HGD: variants seen among roughly 807,000 people sequenced by gnomAD.
The protein encoded by HGD is homogentisate 1,2-dioxygenase.
HGD carries 61 observed loss-of-function variants against 60.8 expected under a neutral mutation model. The observed-to-expected ratio is 1.00, with a 90% confidence interval of 0.82 to 1.24. The LOEUF (loss-of-function observed/expected upper bound fraction) is 1.24, where lower values mean the gene tolerates loss of function less well. Ranked by LOEUF, HGD falls within the 50% of genes most tolerant of loss-of-function variation. The probability of loss-of-function intolerance (pLI) is 0.00; values close to 1 mark genes in which losing one functional copy is unlikely to be tolerated. For missense variants in HGD, 542 were observed against 547.1 expected (o/e 0.99, Z 0.09); for synonymous variants, 212 against 187.7 (o/e 1.13, Z -1.06).
intron 8 of HGD, 68 bp downstream of exon 8, chr3:120,646,905 G>A: frequency 8.3e-7 from 1 of 1,211,838 alleles, no homozygotes; most frequent in Admixed American, 1.7e-5. Context: ...GGAAATAGCA[G>A]CAGCTGAAAC....
chr3:120,647,888 T>G lies in HGD; in HGVS notation c.458A>C (p.Asp153Ala). ...ENRCFYNSDG[D>A]FLIVPQKGNL... The stretch of plus-strand genomic sequence containing the variant: ...TCTTCAGAACTCACCAATCAAGAAG[T>G]CCCCATCTGAATTGTAAAAGCATCT... The change falls in exon 7 of 14, where the codon GAC (aspartate) becomes GCC (alanine). Residue 153 changes from aspartate (D) to alanine (A), a missense_variant. Transcript: ENST00000283871. 6.2e-7 allele frequency: 1 copy of G among 1,612,404 alleles called. No individual in the cohort carries two copies. Among genetic ancestry groups the G allele is most frequent in the Middle Eastern group, 1.7e-4 (1 of 6,052 alleles).
intron 13 of HGD, among the ~76,000 whole-genome samples, chr3:120,630,825 T>TATATATATATATATATATATATATAC: frequency 9.6e-6 from 1 of 104,132 alleles, no homozygotes; most frequent in South Asian, 3.0e-4. Flanking sequence ...TATATATATA[T>TATATATATATATATATATATATATAC]ACACATACAC....
chr3:120,635,965 T>A (rs528369544), intron 12 of HGD, among the ~76,000 whole-genome samples: 31 of 151,946 alleles, frequency 2.0e-4, no homozygotes, highest in Non-Finnish European at 4.0e-4. Context: ...ATCCCCTGAC[T>A]TGCCAGTGAA....
At position 120,628,971 on chromosome 3, in the gene HGD, C is replaced by T. The variant is rs765433052; in HGVS notation, c.1189-442G>A. ...GGAATTAAGGCTGAGAGCTGGGAAA[C>T]GACTTGCTTAAGGCGACAAGTCATC... On this transcript the variant is annotated intron_variant, in intron 13 of 13. Coordinates refer to ENST00000283871, the MANE Select transcript of HGD (RefSeq NM_000187.4). Among the ~76,000 whole-genome samples the T allele has an allele frequency of 3.3e-5, 5 of 152,244 alleles. No homozygotes were observed. The South Asian group carries it at 1.0e-3, about 32-fold the overall frequency.
At chr3:120,666,800 C>T (rs1244095147) in intron 4 of HGD, among the ~76,000 whole-genome samples, 3 of 152,122 alleles carry the variant, frequency 2.0e-5, no homozygotes, top group Non-Finnish European at 4.4e-5. Flanking sequence ...GCATGAGCCA[C>T]CATGCCCACC....
chr3:120,674,667 C>G lies in HGD; in HGVS notation c.176+234G>C, dbSNP rs1270537800. ...TATAGGAGGTAATTTGTAAATGGAA[C>G]TGGACATGTGTATTTTCCCAGCTCT... On this transcript the variant is annotated intron_variant, in intron 3 of 13. Transcript: ENST00000283871. 3.8e-5 allele frequency: 18 copies of G among 477,078 alleles called. No homozygotes were observed. The East Asian group carries it at 7.4e-4, about 20-fold the overall frequency. The allele number at this position is 477,078 out of a possible 1,614,324, so 29.6% of individuals were successfully genotyped here.
intron 13 of HGD, among the ~76,000 whole-genome samples, chr3:120,630,975 G>A (rs1940576919): frequency 6.6e-6 from 1 of 151,528 alleles, no homozygotes; most frequent in African/African-American, 2.4e-5. Flanking sequence ...CAAACTAAGA[G>A]GAACAGAAAA....
intron 1 of HGD, among the ~76,000 whole-genome samples, chr3:120,680,408 C>A (rs1466833844): frequency 6.6e-6 from 1 of 152,192 alleles, no homozygotes; most frequent in Non-Finnish European, 1.5e-5. Context: ...AGACAGCAGG[C>A]AGGGAAGAAT....
intron 9 of HGD, among the ~76,000 whole-genome samples, chr3:120,645,916 T>C (rs867958017): frequency 5.3e-5 from 8 of 152,188 alleles, no homozygotes; most frequent in Non-Finnish European, 1.2e-4. Flanking sequence ...CATAAAGAAT[T>C]AGTCAAATTC....
intron 4 of HGD, among the ~76,000 whole-genome samples, chr3:120,658,266 G>A (rs1023467502): frequency 6.6e-6 from 1 of 152,182 alleles, no homozygotes; most frequent in Non-Finnish European, 1.5e-5. Flanking sequence ...TTACTTCCAA[G>A]ATACAATGGG....
Position 120,641,662 on chromosome 3 carries a change from T to C in HGD, c.806A>G (p.His269Arg), listed in dbSNP as rs756522409. The change falls in exon 11 of 14, where the codon CAC becomes CGC. Residue 269 changes from histidine to arginine, a missense_variant. His to Arg is a conservative substitution (Grantham distance 29, BLOSUM62 0). Transcript: ENST00000283871. ...DVSPFNVVAW[H>R]GNYTPYKYNL... ...GTACTTGTAGGGTGTATAATTCCCGTGCCAGGCCACAACATTGAACGGGGA... is the reference window on the plus strand; with the variant it reads ...GTACTTGTAGGGTGTATAATTCCCGCGCCAGGCCACAACATTGAACGGGGA... 1 of 1,613,900 alleles carries C rather than the reference T, an allele frequency of 6.2e-7. No homozygotes were observed.
rs753344566 is a variant in HGD at position 120,650,871 on chromosome 3, A to T, written c.343-6T>A. On this transcript the variant is annotated splice_region_variant and splice_polypyrimidine_tract_variant and intron_variant, in intron 5 of 13. Transcript: ENST00000283871. ...CCACACAAGGTATGCAGGCCCTGGG[A>T]GAGACCCACAGAAGAGGGAAAGGTT... 44 of 1,607,778 alleles carry T rather than the reference A, an allele frequency of 2.7e-5. No individual in the cohort carries two copies. In the South Asian group the frequency reaches 4.3e-4, roughly 16 times the overall value.
In HGD at chr3:120,666,962, C is replaced by T. The variant is rs151265989; in HGVS notation, c.282+3465G>A. On this transcript the variant is annotated intron_variant, in intron 4 of 13. Transcript: ENST00000283871. Reference sequence around the variant, plus strand: ...TTGACTCTCACTTAATGATGGGAGACGTCCAGTAATATTTTATTAATTTCT... The same window carrying T: ...TTGACTCTCACTTAATGATGGGAGATGTCCAGTAATATTTTATTAATTTCT... 1.5e-3 allele frequency among the ~76,000 whole-genome samples: 226 copies of T among 152,194 alleles called. 1 individual carries two copies. The highest frequency in any genetic ancestry group is 4.8e-3 in the African/African-American group (199 of 41,526).
At chr3:120,675,746 C>A (rs1559802567) in intron 2 of HGD, 46 bp downstream of exon 2, 21 of 1,474,382 alleles carry the variant, frequency 1.4e-5, no homozygotes, top group Non-Finnish European at 1.8e-5. Context: ...GCTAGTCATC[C>A]AGGAATAGGA....
intron 12 of HGD, among the ~76,000 whole-genome samples, chr3:120,634,110 T>C (rs946122211): frequency 3.3e-5 from 5 of 152,170 alleles, no homozygotes; most frequent in African/African-American, 1.2e-4. Flanking sequence ...TCTATATCTT[T>C]CCTGACTGAT....
intron 4 of HGD, among the ~76,000 whole-genome samples, chr3:120,661,842 A>T (rs769251293): frequency 6.6e-6 from 1 of 152,248 alleles, no homozygotes; most frequent in South Asian, 2.1e-4. Context: ...GAATGATAGG[A>T]TCTGAACTAT....
At chr3:120,645,520 A>G (rs1323284122) in intron 9 of HGD, among the ~76,000 whole-genome samples, 1 of 152,188 alleles carries the variant, frequency 6.6e-6, no homozygotes, top group South Asian at 2.1e-4. Flanking sequence ...CACTTCCTCC[A>G]GCTTGCCAGA....
At chr3:120,659,166 C>T (rs1941586002) in intron 4 of HGD, among the ~76,000 whole-genome samples, 1 of 152,212 alleles carries the variant, frequency 6.6e-6, no homozygotes, top group Non-Finnish European at 1.5e-5. Context: ...TCTTTTCTAC[C>T]ACATGGCCAG....
chr3:120,633,331 G>A lies in HGD; in HGVS notation c.1007-3C>T. The A allele has an allele frequency of 6.2e-7, 1 of 1,614,164 alleles. No homozygotes were observed. The highest frequency in any genetic ancestry group is 8.5e-7 in the Non-Finnish European group (1 of 1,180,014). On this transcript the variant is annotated splice_polypyrimidine_tract_variant and splice_region_variant and intron_variant, in intron 12 of 13. Coordinates refer to ENST00000283871, the MANE Select transcript of HGD (RefSeq NM_000187.4). ...CATGAACTCACTCATGCAGTTCCCT[G>A]GGAAGGTTGAAGCAGTATTATTTTT...
Sources: allele counts gnomAD v4.1 joint callset (sites outside exome capture counted in the v4.1 genomes callset), GRCh38; gene constraint gnomAD v4.1.1; transcripts MANE v1.5; gene names NCBI Gene and HGNC (gene_info 2026-07-23, HGNC 2026-07-21).